SMAP1: variants seen among roughly 807,000 people sequenced by gnomAD.
The protein encoded by SMAP1 is stromal membrane-associated protein 1.
A neutral mutation model predicts 58.5 loss-of-function variants in SMAP1; 24 were observed. The observed-to-expected ratio is 0.41, with a 90% CI of 0.30 to 0.58. The LOEUF (loss-of-function observed/expected upper bound fraction) is 0.58. Among genes scored for constraint, SMAP1 ranks in the 20% least tolerant of loss-of-function variants. The probability of loss-of-function intolerance (pLI) is 0.29; values close to 1 mark genes in which losing one functional copy is unlikely to be tolerated. For synonymous variants in SMAP1, 216 were observed against 196.6 expected (o/e 1.10, Z -0.82); for missense variants, 563 against 566.3 (o/e 0.99, Z 0.06).
intron 6 of SMAP1, among the ~76,000 whole-genome samples, chr6:70,818,160 G>A (rs1385022555): frequency 6.6e-6 from 1 of 151,810 alleles, no homozygotes; most frequent in Non-Finnish European, 1.5e-5. Flanking sequence ...TTGGGAGGTT[G>A]AGGCGGGCGG....
chr6:70,756,971 C>G (rs1194638235), intron 3 of SMAP1, among the ~76,000 whole-genome samples: 1 of 152,080 alleles, frequency 6.6e-6, no homozygotes, highest in East Asian at 1.9e-4. Context: ...TCAATGCCAT[C>G]CCCATCAAGC....
chr6:70,681,529 T>G (rs970919823), intron 1 of SMAP1, among the ~76,000 whole-genome samples: 1 of 152,268 alleles, frequency 6.6e-6, no homozygotes, highest in Non-Finnish European at 1.5e-5. Flanking sequence ...TTTATTTGAA[T>G]TTTTGTAACA....
intron 1 of SMAP1, among the ~76,000 whole-genome samples, chr6:70,727,594 T>C (rs948996216): frequency 6.6e-6 from 1 of 152,264 alleles, no homozygotes; most frequent in Non-Finnish European, 1.5e-5. Context: ...CGTTTAATAC[T>C]TCGGTCAAAA....
At chr6:70,767,501 C>G (rs1372410525) in intron 3 of SMAP1, among the ~76,000 whole-genome samples, 1 of 152,104 alleles carries the variant, frequency 6.6e-6, no homozygotes, top group African/African-American at 2.4e-5. Flanking sequence ...ATTTTATTAT[C>G]TTTGAAGCAA....
rs543416150 is a variant in SMAP1 at position 70,760,832 on chromosome 6, G to A, written c.338+5767G>A. ...AAGCTTTGCAATTTACAAAAGTTAT[G>A]CAAAAGCTGCTGTGAAAGTGTAATT... is the stretch of plus-strand genomic sequence containing the variant. On this transcript the variant is annotated intron_variant, in intron 3 of 10. Transcript: ENST00000370455. Among the ~76,000 whole-genome samples the A allele has an allele frequency of 2.6e-5, 4 of 152,194 alleles. No individual in the cohort carries two copies. The East Asian group carries it at 7.7e-4, about 29-fold the overall frequency.
chr6:70,816,960 A>G (rs1272583189), intron 6 of SMAP1, among the ~76,000 whole-genome samples: 4 of 152,016 alleles, frequency 2.6e-5, no homozygotes, highest in Non-Finnish European at 4.4e-5. Flanking sequence ...AAAAGAAGCA[A>G]ATGTCTATTT....
At chr6:70,720,298 G>A (rs1768464704) in intron 1 of SMAP1, among the ~76,000 whole-genome samples, 1 of 152,188 alleles carries the variant, frequency 6.6e-6, no homozygotes, top group South Asian at 2.1e-4. Context: ...TCGAGGTTAT[G>A]CTGATTCAAG....
At chr6:70,795,092 G>T (rs1175993187) in intron 5 of SMAP1, among the ~76,000 whole-genome samples, 1 of 152,138 alleles carries the variant, frequency 6.6e-6, no homozygotes, top group Non-Finnish European at 1.5e-5. Context: ...CTTTGCTATT[G>T]TGAATAGTGC....
At chr6:70,801,472 C>T (rs758321067) in intron 6 of SMAP1, among the ~76,000 whole-genome samples, 4 of 152,076 alleles carry the variant, frequency 2.6e-5, no homozygotes, top group Non-Finnish European at 5.9e-5. Flanking sequence ...GTTGCCTGTT[C>T]ATGCTGATGG....
intron 2 of SMAP1, among the ~76,000 whole-genome samples, chr6:70,742,370 A>C (rs933506338): frequency 6.6e-6 from 1 of 152,112 alleles, no homozygotes; most frequent in Non-Finnish European, 1.5e-5. Context: ...AAGTTCAAAG[A>C]TTTACAAATC....
intron 7 of SMAP1, among the ~76,000 whole-genome samples, chr6:70,849,872 A>T (rs1228053662): frequency 2.0e-5 from 3 of 152,156 alleles, no homozygotes; most frequent in Non-Finnish European, 4.4e-5. Context: ...TGAATCTTTT[A>T]CAAGAATGTG....
intron 1 of SMAP1, among the ~76,000 whole-genome samples, chr6:70,687,071 C>T (rs1464073052): frequency 6.6e-6 from 1 of 152,094 alleles, no homozygotes; most frequent in African/African-American, 2.4e-5. Context: ...GCTATTTAAC[C>T]GAATTTAAAC....
chr6:70,741,879 C>A (rs1409207193), intron 2 of SMAP1, among the ~76,000 whole-genome samples: 3 of 152,236 alleles, frequency 2.0e-5, no homozygotes, highest in Non-Finnish European at 4.4e-5. Context: ...AGGCTCAACA[C>A]CACAGGGAAG....
At chr6:70,783,676 G>A (rs540927600) in intron 4 of SMAP1, among the ~76,000 whole-genome samples, 125 of 152,292 alleles carry the variant, frequency 8.2e-4, no homozygotes, top group African/African-American at 2.7e-3. Context: ...AGGAGCCGAT[G>A]CGATCAACTG....
At chr6:70,740,656 C>G (rs529844687) in intron 2 of SMAP1, among the ~76,000 whole-genome samples, 1 of 152,232 alleles carries the variant, frequency 6.6e-6, no homozygotes, top group South Asian at 2.1e-4. Flanking sequence ...AGAGAAACTT[C>G]ATGGTCAGAT....
At chr6:70,792,739 G>A (rs1045949785) in intron 5 of SMAP1, among the ~76,000 whole-genome samples, 2 of 152,010 alleles carry the variant, frequency 1.3e-5, no homozygotes, top group African/African-American at 4.8e-5. Context: ...TGAGTAGAAC[G>A]GCAAGGCTCC....
At chr6:70,668,262 C>A in intron 1 of SMAP1, 121 bp downstream of exon 1, 1 of 946,414 alleles carries the variant, frequency 1.1e-6, no homozygotes, top group Non-Finnish European at 1.5e-6. Flanking sequence ...CCTGCCCTGA[C>A]TGGAGGGCGG....
At chr6:70,767,891 C>T (rs1439604806) in intron 3 of SMAP1, among the ~76,000 whole-genome samples, 27 of 143,166 alleles carry the variant, frequency 1.9e-4, no homozygotes, top group Middle Eastern at 3.5e-3. Flanking sequence ...GTGGGTTTGT[C>T]ATAGATAGCT....
chr6:70,785,804 T>A (rs1767995157), intron 4 of SMAP1, among the ~76,000 whole-genome samples: 1 of 152,190 alleles, frequency 6.6e-6, no homozygotes, highest in Non-Finnish European at 1.5e-5. Flanking sequence ...ATTGTGGCAA[T>A]AATCAATAGT....
Sources: gnomAD v4.1 joint callset for allele counts (sites outside exome capture counted in the v4.1 genomes callset) on GRCh38, gnomAD v4.1.1 for gene constraint, MANE v1.5 for transcripts, NCBI Gene and HGNC (gene_info 2026-07-23, HGNC 2026-07-21) for gene names.